The following TFEC variants were observed in gnomAD, a reference collection of about 807,000 sequenced individuals.
The protein encoded by TFEC is transcription factor EC.
TFEC carries 31 observed loss-of-function variants against 41.6 expected under a neutral mutation model. That is an observed-to-expected ratio of 0.74 (90% confidence interval 0.56 to 1.01). The LOEUF is 1.01. Ranked by LOEUF, TFEC falls within the 50% of genes least tolerant of loss-of-function variation. TFEC has a pLI of 0.00. For missense variants in TFEC, 402 were observed against 404.1 expected, an observed-to-expected ratio of 0.99 and a Z score of 0.04; for synonymous variants, 143 against 140.6, an observed-to-expected ratio of 1.02 and a Z score of -0.12.
At chr7:116,011,226 C>T (rs905300030) in intron 1 of TFEC, among the ~76,000 whole-genome samples, 5 of 152,124 alleles carry the variant, frequency 3.3e-5, no homozygotes, top group African/African-American at 1.2e-4. Context: ...ATATTGATAA[C>T]TCCAAAACAC....
intron 3 of TFEC, among the ~76,000 whole-genome samples, chr7:116,052,779 T>C (rs2130961165): frequency 6.7e-6 from 1 of 148,824 alleles, no homozygotes; most frequent in African/African-American, 2.5e-5. Context: ...TACTAAGAAA[T>C]GTCATGGGGG....
At chr7:115,959,182 T>C (rs1037878610) in intron 3 of TFEC, among the ~76,000 whole-genome samples, 2 of 151,782 alleles carry the variant, frequency 1.3e-5, no homozygotes, top group African/African-American at 4.8e-5. Flanking sequence ...GCAAACATTA[T>C]TATTAACAAA....
At chr7:116,014,922 A>G (rs1390310252) in intron 1 of TFEC, among the ~76,000 whole-genome samples, 1 of 152,124 alleles carries the variant, frequency 6.6e-6, no homozygotes, top group East Asian at 1.9e-4. Flanking sequence ...AGAGCCTCCA[A>G]CAAGGATCTA....
At chr7:115,985,884 C>T (rs945097113) in intron 1 of TFEC, among the ~76,000 whole-genome samples, 8 of 152,002 alleles carry the variant, frequency 5.3e-5, no homozygotes, top group African/African-American at 1.9e-4. Context: ...AATCTGTATA[C>T]TTTTATGAAA....
At chr7:116,040,444 A>G (rs1160392227) in intron 3 of TFEC, among the ~76,000 whole-genome samples, 1 of 152,208 alleles carries the variant, frequency 6.6e-6, no homozygotes, top group Non-Finnish European at 1.5e-5. Context: ...CAAAATAAAT[A>G]TCACATAGGC....
intron 6 of TFEC, among the ~76,000 whole-genome samples, chr7:115,950,014 A>G (rs1584565477): frequency 1.9e-5 from 1 of 51,716 alleles, no homozygotes; most frequent in African/African-American, 7.0e-5. Flanking sequence ...CCATGTTTTC[A>G]CTTTTTTTTT....
At chr7:115,995,254 T>C (rs1466587357) in intron 1 of TFEC, among the ~76,000 whole-genome samples, 1 of 150,272 alleles carries the variant, frequency 6.7e-6, no homozygotes, top group African/African-American at 2.5e-5. Context: ...AAATGATGAG[T>C]TAATGGGTGC....
intron 3 of TFEC, among the ~76,000 whole-genome samples, chr7:116,036,902 G>C (rs1254673330): frequency 3.3e-5 from 5 of 151,978 alleles, no homozygotes; most frequent in Non-Finnish European, 5.9e-5. Context: ...AGGTTGTCTT[G>C]GTTTCCAAAG....
Position 115,984,523 on chromosome 7 carries a change from C to A in TFEC, c.-72-10G>T, listed in dbSNP as rs772013487. The A allele has an allele frequency of 2.5e-6, 4 of 1,612,084 alleles. No individual in the cohort carries two copies. The African/African-American group carries it at 4.0e-5, about 16-fold the overall frequency. Reference sequence around the variant, plus strand: ...CCAGGTGTGCTGGGACCTACAAGATCAAAATTAAACAAATACAATGTGCAG... The same window carrying A: ...CCAGGTGTGCTGGGACCTACAAGATAAAAATTAAACAAATACAATGTGCAG... On this transcript the variant is annotated splice_polypyrimidine_tract_variant and intron_variant, in intron 1 of 7. Coordinates refer to ENST00000265440, the MANE Select transcript of TFEC (RefSeq NM_012252.4).
rs1221163979 is a variant in TFEC at position 115,974,151 on chromosome 7, T to C, written c.267+19A>G. 1 of 1,574,560 alleles carries C rather than the reference T, an allele frequency of 6.4e-7. No homozygotes were observed. The highest frequency in any genetic ancestry group is 2.3e-5 in the East Asian group (1 of 43,234). The stretch of plus-strand genomic sequence containing the variant: ...TTCATTTCTGTTTCAATGACCTTCT[T>C]GGGTCTGAAAGCACTTACTGTTCTT... On this transcript the variant is annotated intron_variant, in intron 3 of 7. Coordinates refer to ENST00000265440, the MANE Select transcript of TFEC (RefSeq NM_012252.4).
At position 116,078,426 on chromosome 7, in the gene TFEC, T is replaced by C. The variant is rs139265351; in HGVS notation, c.198+32282A>G. 4.0e-3 allele frequency among the ~76,000 whole-genome samples: 615 copies of C among 152,062 alleles called. 4 individuals are homozygous for C. The highest frequency in any genetic ancestry group is 0.014 in the African/African-American group (580 of 41,514). ...TATTTGAAAAGATAAATAAAATTGA[T>C]AGACCATTAATGAGATTAACCAAGA... On this transcript the variant is annotated intron_variant, in intron 3 of 8. Coordinates refer to the TFEC transcript ENST00000484212.
intron 3 of TFEC, among the ~76,000 whole-genome samples, chr7:116,087,388 T>A (rs1216517519): frequency 6.6e-6 from 1 of 152,006 alleles, no homozygotes; most frequent in Non-Finnish European, 1.5e-5. Context: ...TAAAATAGAA[T>A]GTCTAGGATA....
At chr7:116,142,904 G>A (rs868204577) in intron 1 of TFEC, among the ~76,000 whole-genome samples, 2 of 152,040 alleles carry the variant, frequency 1.3e-5, no homozygotes, top group Non-Finnish European at 2.9e-5. Flanking sequence ...TTGAATGCCT[G>A]GTATAAATGT....
chr7:115,954,431 A>G (rs1398913584), intron 5 of TFEC, among the ~76,000 whole-genome samples, 155 bp downstream of exon 5: 1 of 152,034 alleles, frequency 6.6e-6, no homozygotes, highest in Non-Finnish European at 1.5e-5. Context: ...GAGAGCTCAC[A>G]TTGTTAATAT....
intron 1 of TFEC, among the ~76,000 whole-genome samples, chr7:116,147,971 T>C (rs1798678049): frequency 6.6e-6 from 1 of 152,062 alleles, no homozygotes; most frequent in South Asian, 2.1e-4. Context: ...ATAAGTAAAA[T>C]ATGCTGTGAA....
chr7:116,002,604 T>G (rs1374902867), intron 1 of TFEC, among the ~76,000 whole-genome samples: 1 of 152,166 alleles, frequency 6.6e-6, no homozygotes, highest in African/African-American at 2.4e-5. Context: ...GATCTAGTGT[T>G]TTATGGCACA....
At chr7:116,055,343 C>T (rs6971007) in intron 3 of TFEC, among the ~76,000 whole-genome samples, 93,170 of 151,852 alleles carry the variant, frequency 0.61, 29,104 homozygotes, top group East Asian at 0.74. Context: ...TGGCTTCTTT[C>T]CTTTTCAAAA....
intron 3 of TFEC, among the ~76,000 whole-genome samples, chr7:115,967,257 A>G (rs746726866): frequency 2.6e-5 from 4 of 151,816 alleles, no homozygotes; most frequent in East Asian, 3.9e-4. Flanking sequence ...ATTTAATATG[A>G]GTGTCAAGGG....
At chr7:116,121,560 T>C (rs1798108299) in intron 1 of TFEC, 1 of 152,022 alleles carries the variant, frequency 6.6e-6, no homozygotes, top group South Asian at 2.1e-4. Flanking sequence ...ATGGTGAGTT[T>C]TAGGTTATGT....
Sources: allele counts gnomAD v4.1 joint callset (sites outside exome capture counted in the v4.1 genomes callset), GRCh38; gene constraint gnomAD v4.1.1; transcripts MANE v1.5; gene names NCBI Gene and HGNC (gene_info 2026-07-23, HGNC 2026-07-21).